CLCN5: variants seen among roughly 807,000 people sequenced by gnomAD.
CLCN5 encodes the protein Cl-/H+ antiporter 5.
Under a neutral mutation model 54.0 loss-of-function variants are expected in CLCN5, and 17 were observed. That is an observed-to-expected ratio of 0.31 (90% confidence interval 0.22 to 0.47). The LOEUF (loss-of-function observed/expected upper bound fraction) is 0.47. Among genes scored for constraint, CLCN5 ranks in the 20% least tolerant of loss-of-function variants. The pLI is 1.00. For synonymous variants in CLCN5, 222 were observed against 233.0 expected (o/e 0.95, Z 0.43); for missense variants, 448 against 646.7 (o/e 0.69, Z 3.33).
chrX:50,036,061 A>G (rs1931983181), intron 3 of CLCN5, among the ~76,000 whole-genome samples: 1 of 111,951 alleles, frequency 8.9e-6, no homozygotes, highest in South Asian at 3.8e-4. Context: ...GCCATTCTCT[A>G]GACTGACATG....
intron 3 of CLCN5, among the ~76,000 whole-genome samples, chrX:49,998,332 A>G (rs1557179914): frequency 9.0e-6 from 1 of 111,610 alleles, no homozygotes; most frequent in African/African-American, 3.3e-5. Context: ...ATTCCTGCTC[A>G]TACATGCACA....
At chrX:50,082,825 C>T (rs1933752360) in intron 9 of CLCN5, among the ~76,000 whole-genome samples, 1 of 111,463 alleles carries the variant, frequency 9.0e-6, no homozygotes, top group Non-Finnish European at 1.9e-5. Flanking sequence ...TTTCAGATGT[C>T]GGTTTTTTCA....
chrX:49,930,210 A>G (rs1220126368), intron 3 of CLCN5, among the ~76,000 whole-genome samples: 1 of 112,244 alleles, frequency 8.9e-6, no homozygotes, highest in Non-Finnish European at 1.9e-5. Context: ...AAGATTAAAA[A>G]GGAATGACAG....
intron 2 of CLCN5, 100 bp from the exon 3 acceptor site, chrX:49,925,071 A>G: frequency 2.3e-6 from 1 of 439,263 alleles, no homozygotes; most frequent in East Asian, 3.8e-5. Context: ...ATGCCTGCAT[A>G]TCTTTGAAAG....
chrX:50,034,965 A>G lies in CLCN5; in HGVS notation c.17-7351A>G, dbSNP rs1210878376. 5.4e-5 allele frequency among the ~76,000 whole-genome samples: 6 copies of G among 111,266 alleles called. No homozygotes were observed. In the Admixed American group the frequency reaches 5.7e-4, roughly 11 times the overall value. ...GATGTTTTTATCATGTTGCTCCTCA[A>G]AAACCTCAGTGACTCCATTGACTTA... On this transcript the variant is annotated intron_variant, in intron 3 of 14. Coordinates refer to ENST00000376091, the MANE Select transcript of CLCN5 (RefSeq NM_001127898.4).
At position 50,090,402 on chromosome X, in the gene CLCN5, T is replaced by G. The variant is rs781917040; in HGVS notation, c.2031T>G (p.Asp677Glu). ...VLTQDSMTVE[D>E]VETIISETTY... ...CTCAGGACAGTATGACTGTGGAAGA[T>G]GTAGAGACCATAATCAGTGAAACCA... is the stretch of plus-strand genomic sequence containing the variant. Residue 677 changes from aspartate (D) to glutamate (E), a missense_variant, in exon 13 of 15, where the codon GAT becomes GAG. Around this residue, in one of 5 missense-constraint regions of CLCN5, gnomAD observed 297 missense variants for 470.4 expected, o/e 0.63. Transcript: ENST00000376091. 8.3e-7 allele frequency: 1 copy of G among 1,211,341 alleles called. No homozygotes were observed. The highest frequency in any genetic ancestry group is 1.1e-6 in the Non-Finnish European group (1 of 895,135).
At chrX:49,931,239 C>A (rs1925633232) in intron 3 of CLCN5, among the ~76,000 whole-genome samples, 1 of 111,031 alleles carries the variant, frequency 9.0e-6, no homozygotes, top group Non-Finnish European at 1.9e-5. Context: ...TACATGGTAA[C>A]TATTATTATT....
At chrX:50,045,713 T>C (rs1932370283) in intron 4 of CLCN5, among the ~76,000 whole-genome samples, 1 of 112,404 alleles carries the variant, frequency 8.9e-6, no homozygotes, top group African/African-American at 3.2e-5. Flanking sequence ...GCTTCTAGTT[T>C]ACAAGGTCTA....
intron 3 of CLCN5, among the ~76,000 whole-genome samples, chrX:49,942,617 A>G (rs782190867): frequency 8.8e-4 from 78 of 88,667 alleles, no homozygotes; most frequent in African/African-American, 3.3e-3. Context: ...AAGTGTTCTC[A>G]TTGTTCAATT....
In CLCN5 at chrX:50,066,202, C is replaced by CAAAAA. The variant is rs781827477; in HGVS notation, c.164-3667_164-3663dup. ...AAAGAAAGAAAGAGAAATTCCAGAG[C>CAAAAA]AAAAAAAAAAAAAAGACAGTCACAG... On this transcript the variant is annotated intron_variant, in intron 4 of 14. Coordinates refer to ENST00000376091, the MANE Select transcript of CLCN5 (RefSeq NM_001127898.4). Among the ~76,000 whole-genome samples, 3 of 65,329 alleles carry CAAAAA rather than the reference C, an allele frequency of 4.6e-5. 1 individual carries two copies. Among genetic ancestry groups the CAAAAA allele is most frequent in the African/African-American group, 2.3e-4 (3 of 13,107 alleles). 56.7% of individuals were successfully genotyped at this position (65,329 alleles called of 115,157 possible). A position where few individuals can be genotyped will look rare whatever the true frequency, so the allele number is the denominator to read the frequency against.
intron 3 of CLCN5, among the ~76,000 whole-genome samples, chrX:49,949,646 A>G (rs1376341782): frequency 8.9e-6 from 1 of 111,786 alleles, no homozygotes; most frequent in Non-Finnish European, 1.9e-5. Context: ...ACAGACAAAA[A>G]TGTTGAGACT....
chrX:50,055,431 G>A (rs1358200614), intron 4 of CLCN5, among the ~76,000 whole-genome samples: 2 of 111,518 alleles, frequency 1.8e-5, no homozygotes, highest in Non-Finnish European at 3.8e-5. Flanking sequence ...CAGGATAATA[G>A]GTCTGATCAC....
At chrX:49,942,915 T>C (rs1926461264) in intron 3 of CLCN5, among the ~76,000 whole-genome samples, 1 of 106,486 alleles carries the variant, frequency 9.4e-6, no homozygotes, top group African/African-American at 3.5e-5. Context: ...TTTGGGTATA[T>C]ACCCAGTAAT....
At chrX:50,088,081 G>A (rs1557194252) in intron 11 of CLCN5, among the ~76,000 whole-genome samples, 1 of 112,068 alleles carries the variant, frequency 8.9e-6, no homozygotes, top group East Asian at 2.8e-4. Flanking sequence ...AACCTCATGT[G>A]CTATATCCTT....
chrX:49,936,306 A>C (rs1156940613), intron 3 of CLCN5, among the ~76,000 whole-genome samples: 3 of 111,848 alleles, frequency 2.7e-5, no homozygotes, highest in Admixed American at 1.9e-4. Context: ...ATTATGGGTG[A>C]GTGGAAACTC....
chrX:50,089,716 A>G (rs782418541), intron 12 of CLCN5, among the ~76,000 whole-genome samples: 1 of 111,318 alleles, frequency 9.0e-6, no homozygotes, highest in African/African-American at 3.3e-5. Flanking sequence ...TGAAACCCCA[A>G]TTCGACAAAA....
At chrX:50,028,535 C>A (rs1557185362) in intron 3 of CLCN5, among the ~76,000 whole-genome samples, 2 of 111,877 alleles carry the variant, frequency 1.8e-5, no homozygotes, top group African/African-American at 3.2e-5. Context: ...GTTTGTGTTC[C>A]TATGGAGGTT....
chrX:50,011,749 A>G (rs179830), intron 3 of CLCN5, among the ~76,000 whole-genome samples: 17,059 of 111,866 alleles, frequency 0.15, 1,218 homozygotes, highest in Middle Eastern at 0.3. Context: ...GTACAGTCAC[A>G]GATGAACACA....
intron 3 of CLCN5, among the ~76,000 whole-genome samples, chrX:49,966,571 G>T (rs1927863058): frequency 2.8e-5 from 2 of 72,694 alleles, no homozygotes; most frequent in African/African-American, 4.1e-5. Context: ...CTATCTCATT[G>T]ATTTTTATAT....
Sources: allele counts gnomAD v4.1 joint callset (sites outside exome capture counted in the v4.1 genomes callset), GRCh38; gene constraint gnomAD v4.1.1; regional missense constraint gnomAD v4.1.1; transcripts MANE v1.5; gene names NCBI Gene and HGNC (gene_info 2026-07-23, HGNC 2026-07-21).